Variants in TMPPE observed in about 807,000 individuals in gnomAD.
TMPPE encodes transmembrane protein with metallophosphoesterase domain.
A neutral mutation model predicts 22.6 loss-of-function variants in TMPPE; 16 were observed. The observed-to-expected ratio is 0.71, with a 90% CI of 0.48 to 1.08. TMPPE has a LOEUF of 1.08. TMPPE is among the 50% of genes least tolerant of loss of function. The pLI is 0.00. For missense variants in TMPPE, 526 were observed against 584.3 expected (o/e 0.90, Z 1.03); for synonymous variants, 240 against 245.3 (o/e 0.98, Z 0.20).
chr3:33,095,628 A>G (rs1700991656), intron 1 of TMPPE, among the ~76,000 whole-genome samples: 1 of 152,086 alleles, frequency 6.6e-6, no homozygotes, highest in Admixed American at 6.5e-5. Flanking sequence ...CCCTGACCCA[A>G]TGACGCTGCA....
At position 33,093,388 on chromosome 3, in the gene TMPPE, C is replaced by T. The variant is rs771436855; in HGVS notation, c.808G>A (p.Gly270Ser). ...APLGQLHSHL[G>S]AYFVTGNHEY... ...TGATTGCCTGTGACGAAGTAGGCAC[C>T]GAGATGTGAATGAAGCTGGCCCAGA... Residue 270 changes from glycine (G) to serine (S), a missense_variant, in exon 2 of 2, where the codon GGT becomes AGT. Physicochemically the swap from Gly to Ser is moderately conservative, Grantham distance 56. Transcript: ENST00000342462. This position sits in a 1 kb window ranked among gnomAD's most constrained non-coding sequence, Gnocchi z 6.0. 10 of 1,614,042 alleles carry T rather than the reference C, an allele frequency of 6.2e-6. No homozygotes were observed. Among genetic ancestry groups the T allele is most frequent in the African/African-American group, 1.3e-5 (1 of 74,922 alleles).
Position 33,091,146 on chromosome 3 carries a change from G to A in TMPPE, c.*1688C>T. 1 of 985,272 alleles carries A rather than the reference G, an allele frequency of 1.0e-6. No individual in the cohort carries two copies. Among genetic ancestry groups the A allele is most frequent in the Non-Finnish European group, 1.2e-6 (1 of 829,916 alleles). 61.0% of individuals were successfully genotyped at this position (985,272 alleles called of 1,614,324 possible). On this transcript the variant is annotated 3_prime_UTR_variant, in exon 2 of 2. Coordinates refer to ENST00000342462, the MANE Select transcript of TMPPE (RefSeq NM_001039770.3). ...AAGGATGATTCACAAAATGCGGTCG[G>A]GACACAAGAAAAGTGAGTTTGGAAG...
chr3:33,094,641 A>G (rs1700926135), intron 1 of TMPPE, among the ~76,000 whole-genome samples: 1 of 151,440 alleles, frequency 6.6e-6, no homozygotes, highest in Non-Finnish European at 1.5e-5. Context: ...TTTTATTATA[A>G]TTCCAAGCCA....
At position 33,091,613 on chromosome 3, in the gene TMPPE, C is replaced by G. The variant is rs1700765502; in HGVS notation, c.*1221G>C. The stretch of plus-strand genomic sequence containing the variant: ...CATGCACAAGGCTTGATGGATCCCT[C>G]CTGACAAAACAATCTTGAGGTAGAT... On this transcript the variant is annotated 3_prime_UTR_variant, in exon 2 of 2. Transcript: ENST00000342462. 1.0e-6 allele frequency: 1 copy of G among 984,118 alleles called. No individual in the cohort carries two copies. Among genetic ancestry groups the G allele is most frequent in the African/African-American group, 1.7e-5 (1 of 57,212 alleles). The allele number at this position is 984,118 out of a possible 1,614,324, so 61.0% of individuals were successfully genotyped here. A position where few individuals can be genotyped will look rare whatever the true frequency, so the allele number is the denominator to read the frequency against.
At chr3:33,095,210 CAAAAA>C (rs71630565) in intron 1 of TMPPE, among the ~76,000 whole-genome samples, 2 of 75,888 alleles carry the variant, frequency 2.6e-5, no homozygotes, top group Admixed American at 1.5e-4. Flanking sequence ...GACTCTGTCT[CAAAAA>C]AAAAAAAAAA....
chr3:33,092,856 A>G lies in TMPPE; in HGVS notation c.1340T>C (p.Leu447Pro), dbSNP rs1350547954. Residue 447 changes from leucine to proline, a missense_variant, in exon 2 of 2, where the codon CTC becomes CCC. Coordinates refer to ENST00000342462, the MANE Select transcript of TMPPE (RefSeq NM_001039770.3). The part of the protein sequence containing the change: ...RLGSRAEITE[L>P]ILQRSP Reference sequence around the variant, plus strand: ...AGTTCAGGGAGACCGCTGCAGGATGAGCTCTGTGATCTCGGCCCTGCTACC... The same window carrying G: ...AGTTCAGGGAGACCGCTGCAGGATGGGCTCTGTGATCTCGGCCCTGCTACC... 5.0e-6 allele frequency: 8 copies of G among 1,608,562 alleles called. No homozygotes were observed. The South Asian group carries it at 8.9e-5, about 18-fold the overall frequency.
intron 1 of TMPPE, among the ~76,000 whole-genome samples, chr3:33,095,149 T>C (rs1404079539): frequency 7.8e-6 from 1 of 128,106 alleles, no homozygotes; most frequent in Non-Finnish European, 1.6e-5. Flanking sequence ...AGGTGGAAGT[T>C]GTAGTGAGCC....
rs750436380 is a variant in TMPPE at position 33,096,991 on chromosome 3, C to G, written c.-381G>C. ...TGTCCCCTAGCAATGCCTCCCCGTA[C>G]CCGGGTCCCGCAGACTTACGCGCAA... On this transcript the variant is annotated 5_prime_UTR_variant, in exon 1 of 2. Coordinates refer to ENST00000342462, the MANE Select transcript of TMPPE (RefSeq NM_001039770.3). 1 of 1,610,346 alleles carries G rather than the reference C, an allele frequency of 6.2e-7. No individual in the cohort carries two copies. The highest frequency in any genetic ancestry group is 1.1e-5 in the South Asian group (1 of 90,534).
At chr3:33,095,201 ACT>A (rs1222735392) in intron 1 of TMPPE, among the ~76,000 whole-genome samples, 1 of 115,106 alleles carries the variant, frequency 8.7e-6, no homozygotes, top group Non-Finnish European at 1.7e-5. Context: ...AAAGAGCGAG[ACT>A]CTGTCTCAAA....
chr3:33,090,866 G>A lies in TMPPE; in HGVS notation c.*1968C>T, dbSNP rs1216799531. The A allele has an allele frequency of 8.1e-6, 8 of 985,232 alleles. No homozygotes were observed. Among genetic ancestry groups the A allele is most frequent in the Non-Finnish European group, 7.2e-6 (6 of 829,936 alleles). 61.0% of individuals were successfully genotyped at this position (985,232 alleles called of 1,614,324 possible). ...GCAAGGACTTCAGAGTGGATGAAGG[G>A]TACATAAGACCACACAATGATGGCA... On this transcript the variant is annotated 3_prime_UTR_variant, in exon 2 of 2. Coordinates refer to ENST00000342462, the MANE Select transcript of TMPPE (RefSeq NM_001039770.3).
At position 33,092,261 on chromosome 3, in the gene TMPPE, T is replaced by C; in HGVS notation, c.*573A>G. On this transcript the variant is annotated 3_prime_UTR_variant, in exon 2 of 2. Coordinates refer to ENST00000342462, the MANE Select transcript of TMPPE (RefSeq NM_001039770.3). ...TTTGCATTCCAGTAGATTTTGCTGATGCCCTCAATAGAGGTGATCCTGATA... is the reference window on the plus strand; with the variant it reads ...TTTGCATTCCAGTAGATTTTGCTGACGCCCTCAATAGAGGTGATCCTGATA... 1.0e-6 allele frequency: 1 copy of C among 985,778 alleles called. No homozygotes were observed. The highest frequency in any genetic ancestry group is 1.2e-6 in the Non-Finnish European group (1 of 830,230). The allele number at this position is 985,778 out of a possible 1,614,324, so 61.1% of individuals were successfully genotyped here.
intron 1 of TMPPE, chr3:33,096,381 C>T: frequency 1.0e-6 from 1 of 982,208 alleles, no homozygotes; most frequent in Non-Finnish European, 1.2e-6. Flanking sequence ...GATGGCATCC[C>T]CCGGCAGCCT....
In TMPPE at chr3:33,092,377, T is replaced by C; in HGVS notation, c.*457A>G. ...CCAAATTACCTGGCAACACTACCCCTTCCCCAGAAAGGCTCTGGATCAATG... is the reference window on the plus strand; with the variant it reads ...CCAAATTACCTGGCAACACTACCCCCTCCCCAGAAAGGCTCTGGATCAATG... On this transcript the variant is annotated 3_prime_UTR_variant, in exon 2 of 2. Transcript: ENST00000342462. 1.0e-6 allele frequency: 1 copy of C among 989,216 alleles called. No homozygotes were observed. The highest frequency in any genetic ancestry group is 1.2e-6 in the Non-Finnish European group (1 of 832,392). The allele number at this position is 989,216 out of a possible 1,614,324, so 61.3% of individuals were successfully genotyped here. A position where few individuals can be genotyped will look rare whatever the true frequency, so the allele number is the denominator to read the frequency against.
Position 33,091,719 on chromosome 3 carries a change from G to C in TMPPE, c.*1115C>G. 4.1e-6 allele frequency: 4 copies of C among 985,400 alleles called. No homozygotes were observed. The highest frequency in any genetic ancestry group is 4.8e-6 in the Non-Finnish European group (4 of 829,924). The allele number at this position is 985,400 out of a possible 1,614,324, so 61.0% of individuals were successfully genotyped here. Reference sequence around the variant, plus strand: ...TCACCCACCCAACGCTGCCCTATGAGTGAGCAGCAGGGTTAGCCTCTCCAG... The same window carrying C: ...TCACCCACCCAACGCTGCCCTATGACTGAGCAGCAGGGTTAGCCTCTCCAG... On this transcript the variant is annotated 3_prime_UTR_variant, in exon 2 of 2. Transcript: ENST00000342462.
chr3:33,096,776 G>T lies in TMPPE; in HGVS notation c.-166C>A. The T allele has an allele frequency of 7.5e-7, 1 of 1,332,096 alleles. No individual in the cohort carries two copies. Among genetic ancestry groups the T allele is most frequent in the Non-Finnish European group, 9.6e-7 (1 of 1,045,680 alleles). 82.5% of individuals were successfully genotyped at this position (1,332,096 alleles called of 1,614,324 possible). A position where few individuals can be genotyped will look rare whatever the true frequency, so the allele number is the denominator to read the frequency against. ...TGGATCCAAGCGCAAAGGGCGGCCGGAGCGGAACGCACAAGCGACCGAGCT... is the reference window on the plus strand; with the variant it reads ...TGGATCCAAGCGCAAAGGGCGGCCGTAGCGGAACGCACAAGCGACCGAGCT... On this transcript the variant is annotated 5_prime_UTR_variant, in exon 1 of 2. Coordinates refer to ENST00000342462, the MANE Select transcript of TMPPE (RefSeq NM_001039770.3).
rs531165765 is a variant in TMPPE at position 33,091,930 on chromosome 3, G to T, written c.*904C>A. 1.5e-4 allele frequency: 150 copies of T among 985,290 alleles called. No homozygotes were observed. Among genetic ancestry groups the T allele is most frequent in the Non-Finnish European group, 1.7e-4 (144 of 829,834 alleles). The allele number at this position is 985,290 out of a possible 1,614,324, so 61.0% of individuals were successfully genotyped here. A position where few individuals can be genotyped will look rare whatever the true frequency, so the allele number is the denominator to read the frequency against. ...AAGGGCAAAAGCACCGCTTTTACTG[G>T]GAGGTACAAGACCTGGTTTCTAGCC... On this transcript the variant is annotated 3_prime_UTR_variant, in exon 2 of 2. Transcript: ENST00000342462.
rs577286241 is a variant in TMPPE, at chr3:33,096,943, C to T, written c.-333G>A. 191 of 1,573,218 alleles carry T rather than the reference C, an allele frequency of 1.2e-4. No individual in the cohort carries two copies. The African/African-American group carries it at 2.1e-3, about 17-fold the overall frequency. On this transcript the variant is annotated 5_prime_UTR_variant, in exon 1 of 2. Transcript: ENST00000342462. ...CTGCGGGACCGCGGGTGGCTGCGACCCCAGCCCGGTTCCCCGCCAGCCTGT... is the reference window on the plus strand; with the variant it reads ...CTGCGGGACCGCGGGTGGCTGCGACTCCAGCCCGGTTCCCCGCCAGCCTGT...
rs138315911 is a variant in TMPPE at position 33,096,043 on chromosome 3, G to A, written c.-109+676C>T. Reference sequence around the variant, plus strand: ...AATGTACCACTTTTCTCTGCCCTAGGCACGTTATTGAAAGCGTTATTAAAG... The same window carrying A: ...AATGTACCACTTTTCTCTGCCCTAGACACGTTATTGAAAGCGTTATTAAAG... On this transcript the variant is annotated intron_variant, in intron 1 of 1. Coordinates refer to ENST00000342462, the MANE Select transcript of TMPPE (RefSeq NM_001039770.3). 2.1e-3 allele frequency among the ~76,000 whole-genome samples: 317 copies of A among 152,308 alleles called. 1 individual carries two copies. The highest frequency in any genetic ancestry group is 7.3e-3 in the African/African-American group (303 of 41,556).
chr3:33,096,733 T>A lies in TMPPE; in HGVS notation c.-123A>T, dbSNP rs536585269. 25 of 1,286,052 alleles carry A rather than the reference T, an allele frequency of 1.9e-5. No homozygotes were observed. The South Asian group carries it at 4.9e-4, about 25-fold the overall frequency. The allele number at this position is 1,286,052 out of a possible 1,614,324, so 79.7% of individuals were successfully genotyped here. On this transcript the variant is annotated 5_prime_UTR_variant, in exon 1 of 2. Transcript: ENST00000342462. ...TTTACACGCACCTCGTCTCAACACC[T>A]CGTTACAGATGGGGAAGTGGATCCA...
Sources: gnomAD v4.1 joint callset for allele counts (sites outside exome capture counted in the v4.1 genomes callset) on GRCh38, gnomAD v4.1.1 for gene constraint, Gnocchi (gnomAD v3.1) non-coding constraint, MANE v1.5 for transcripts, NCBI Gene and HGNC (gene_info 2026-07-23, HGNC 2026-07-21) for gene names.